The following NXF1 variants were observed in gnomAD, a reference collection of about 807,000 sequenced individuals.
NXF1 encodes mRNA export factor TAP.
In NXF1, 43 loss-of-function variants were observed where a neutral mutation model predicts 92.4. That is an observed-to-expected ratio of 0.47 (90% CI 0.36 to 0.60). NXF1 has a LOEUF of 0.60. Ranked by LOEUF, NXF1 falls within the 20% of genes least tolerant of loss-of-function variation. The probability of loss-of-function intolerance (pLI) is 0.00; values close to 1 mark genes in which losing one functional copy is unlikely to be tolerated. For missense variants in NXF1, 576 were observed against 793.0 expected (o/e 0.73, Z 3.29); for synonymous variants, 288 against 292.2 (o/e 0.99, Z 0.15).
At chr11:62,804,158 C>T in intron 1 of NXF1, 180 bp from the exon 2 acceptor site, 1 of 1,536,572 alleles carries the variant, frequency 6.5e-7, no homozygotes, top group East Asian at 2.4e-5. Context: ...AGGGCAGCAT[C>T]AGGGAAAAGT....
rs1372286506 is a variant in NXF1, at chr11:62,797,219, T to G, written c.1142A>C (p.Glu381Ala). Residue 381 changes from glutamate to alanine, a missense_variant, in exon 13 of 21, where the codon GAA becomes GCA. Physicochemically the swap from Glu to Ala is moderately radical, Grantham distance 107. Around this residue, in one of 2 missense-constraint regions of NXF1, gnomAD observed 425 missense variants for 635.2 expected, o/e 0.67. Coordinates refer to ENST00000294172, the MANE Select transcript of NXF1 (RefSeq NM_006362.5). Reference sequence around the variant, plus strand: ...GTGCAAGACCAGACTCTTCAAGTTTTCTGTTCCAAAATAGCTTCCCTGAAA... The same window carrying G: ...GTGCAAGACCAGACTCTTCAAGTTTGCTGTTCCAAAATAGCTTCCCTGAAA... ...PPCKGSYFGT[E>A]NLKSLVLHFL... is the part of the protein sequence containing the mutation. 1 of 1,614,108 alleles carries G rather than the reference T, an allele frequency of 6.2e-7. No individual in the cohort carries two copies. The highest frequency in any genetic ancestry group is 8.5e-7 in the Non-Finnish European group (1 of 1,180,040).
At chr11:62,803,117 G>A (rs2084497845) in intron 3 of NXF1, among the ~76,000 whole-genome samples, 2 of 152,028 alleles carry the variant, frequency 1.3e-5, no homozygotes, top group Non-Finnish European at 2.9e-5. Context: ...TCAGGAGTTC[G>A]AGACCAGCCT....
At chr11:62,801,864 A>C in intron 5 of NXF1, 45 bp from the exon 6 acceptor site, 1 of 1,605,074 alleles carries the variant, frequency 6.2e-7, no homozygotes, top group South Asian at 1.1e-5. Flanking sequence ...AGGGAAGCCT[A>C]AGCCGCAAGA....
chr11:62,800,180 A>G (rs2084463112), intron 10 of NXF1, 197 bp downstream of exon 10: 1 of 1,412,546 alleles, frequency 7.1e-7, no homozygotes, highest in Non-Finnish European at 9.2e-7. Context: ...GTCAAGTCAG[A>G]AGAGAAGAGA....
rs544436563 is a variant in NXF1 at position 62,796,169 on chromosome 11, C to T, written c.1358G>A (p.Arg453Gln). 4 of 1,614,138 alleles carry T rather than the reference C, an allele frequency of 2.5e-6. No individual in the cohort carries two copies. The highest frequency in any genetic ancestry group is 1.3e-5 in the African/African-American group (1 of 75,028). The stretch of plus-strand genomic sequence containing the variant: ...GTTGAGACGCGTGTGCTTCAGCAGC[C>T]GGAACCGCAAGGCTGTGGGTAGAGG... ...KKLKDPTLRF[R>Q]LLKHTRLNVV... The change falls in exon 16 of 21, where the codon CGG becomes CAG. Residue 453 changes from arginine (R) to glutamine (Q), a missense_variant. Physicochemically the swap from Arg to Gln is conservative, Grantham distance 43. This residue lies in a region of NXF1 where 425 missense variants were observed against 635.2 expected (regional missense o/e 0.67). Transcript: ENST00000294172.
chr11:62,803,627 G>A (rs2084503310), intron 2 of NXF1, 55 bp from the exon 3 acceptor site: 3 of 1,606,050 alleles, frequency 1.9e-6, no homozygotes, highest in South Asian at 2.2e-5. Context: ...TCTTCTCAAA[G>A]GCCTTCCTGC....
rs763055591 is a variant in NXF1, at chr11:62,798,581, A to G, written c.1017-6T>C. On this transcript the variant is annotated splice_polypyrimidine_tract_variant and splice_region_variant and intron_variant, in intron 10 of 20. Coordinates refer to ENST00000294172, the MANE Select transcript of NXF1 (RefSeq NM_006362.5). ...GAAATCGTTCGCGAATGGCGCTGTC[A>G]AGAACGGGACAGAAGTGAGTGATGC... is the stretch of plus-strand genomic sequence containing the variant. 5 of 1,614,104 alleles carry G rather than the reference A, an allele frequency of 3.1e-6. No individual in the cohort carries two copies. Among genetic ancestry groups the G allele is most frequent in the Non-Finnish European group, 3.4e-6 (4 of 1,179,972 alleles).
At position 62,792,917 on chromosome 11, in the gene NXF1, A is replaced by G. The variant is rs968412063; in HGVS notation, c.1761-216T>C. On this transcript the variant is annotated intron_variant, in intron 19 of 20. Transcript: ENST00000294172. ...TTAAATAGCTGTCAAGAAGCTCAAG[A>G]TAGTTTTTACAGTGGTAGGGAAAGA... is the stretch of plus-strand genomic sequence containing the variant. 1.0e-5 allele frequency: 6 copies of G among 582,116 alleles called. No homozygotes were observed. In the Middle Eastern group the frequency reaches 1.4e-3, roughly 132 times the overall value. The allele number at this position is 582,116 out of a possible 1,614,324, so 36.1% of individuals were successfully genotyped here.
chr11:62,800,581 T>C, intron 9 of NXF1, 95 bp from the exon 10 acceptor site: 1 of 730,870 alleles, frequency 1.4e-6, no homozygotes, highest in Non-Finnish European at 2.2e-6. Context: ...CTCTGAGATC[T>C]TTTCTAATCT....
At chr11:62,800,986 C>T in intron 9 of NXF1, 108 bp downstream of exon 9, 1 of 815,636 alleles carries the variant, frequency 1.2e-6, no homozygotes, top group Non-Finnish European at 2.0e-6. Context: ...AGTTGCAAAC[C>T]AGCACATCTG....
chr11:62,797,586 G>T (rs1348339731), intron 11 of NXF1, among the ~76,000 whole-genome samples, 200 bp from the exon 12 acceptor site: 1 of 152,108 alleles, frequency 6.6e-6, no homozygotes, highest in Non-Finnish European at 1.5e-5. Flanking sequence ...CGTGCCTGGA[G>T]TCCTAGCTAC....
chr11:62,803,753 T>C, intron 2 of NXF1, 39 bp downstream of exon 2: 1 of 1,597,876 alleles, frequency 6.3e-7, no homozygotes, highest in Non-Finnish European at 8.6e-7. Context: ...TATAATCTCA[T>C]GAGCCACTAA....
chr11:62,798,503 G>A, intron 11 of NXF1, 36 bp downstream of exon 11: 3 of 1,612,890 alleles, frequency 1.9e-6, no homozygotes, highest in Non-Finnish European at 2.5e-6. Flanking sequence ...AGTGAGAGAT[G>A]CTGTGCTTGT....
chr11:62,794,661 T>G (rs182070458), intron 18 of NXF1: 202 of 586,298 alleles, frequency 3.4e-4, no homozygotes, highest in South Asian at 4.5e-4. Flanking sequence ...CTCTTTTAAT[T>G]CATCCTCACA....
chr11:62,798,896 C>T (rs1199686139), intron 10 of NXF1: 3 of 1,151,030 alleles, frequency 2.6e-6, no homozygotes, highest in Non-Finnish European at 1.1e-6. Flanking sequence ...CTCACCTGTG[C>T]AGCCCCGGGA....
At chr11:62,804,212 T>G (rs1372248107) in intron 1 of NXF1, 1 of 1,500,114 alleles carries the variant, frequency 6.7e-7, no homozygotes, top group Non-Finnish European at 8.9e-7. Context: ...AAGTAGAAAC[T>G]GGAATTAGAG....
chr11:62,801,885 G>C (rs1030791763), intron 5 of NXF1, 57 bp downstream of exon 5: 2 of 1,603,276 alleles, frequency 1.2e-6, no homozygotes, highest in African/African-American at 2.7e-5. Context: ...ACAAGACCCA[G>C]TCCCTGCTCT....
At chr11:62,794,738 T>G in intron 18 of NXF1, 197 bp downstream of exon 18, 1 of 601,114 alleles carries the variant, frequency 1.7e-6, no homozygotes, top group East Asian at 2.8e-5. Context: ...TTGCTAGAAG[T>G]GGTGGAGCCA....
intron 13 of NXF1, 42 bp downstream of exon 13, chr11:62,797,141 C>T: frequency 6.3e-7 from 1 of 1,581,008 alleles, no homozygotes; most frequent in Non-Finnish European, 8.7e-7. Flanking sequence ...CACCATTCCC[C>T]CTCAACCTCG....
Sources: gnomAD v4.1 joint callset for allele counts (sites outside exome capture counted in the v4.1 genomes callset) on GRCh38, gnomAD v4.1.1 for gene constraint, gnomAD v4.1.1 regional missense constraint, MANE v1.5 for transcripts, NCBI Gene and HGNC (gene_info 2026-07-23, HGNC 2026-07-21) for gene names.